Variants in ABCB9 observed in about 807,000 individuals in gnomAD.
The protein encoded by ABCB9 is ATP binding cassette subfamily B member 9.
In ABCB9, 36 loss-of-function variants were observed where a neutral mutation model predicts 62.0. That is an observed-to-expected ratio of 0.58 (90% CI 0.45 to 0.77). ABCB9 has a LOEUF of 0.77. ABCB9 is among the 30% of genes least tolerant of loss of function. The pLI, the probability that ABCB9 is intolerant of heterozygous loss-of-function variation, is 0.00. For synonymous variants in ABCB9, 435 were observed against 461.4 expected (o/e 0.94, Z 0.73); for missense variants, 943 against 1,054.7 (o/e 0.89, Z 1.47).
rs189653462 is a variant in ABCB9, at chr12:122,929,994, G to A, written c.2218C>T (p.Arg740Trp). Residue 740 changes from arginine (R) to tryptophan (W), a missense_variant, in exon 12 of 12, where the codon CGG becomes TGG. Physicochemically the swap from Arg to Trp is moderately radical, Grantham distance 101. Coordinates refer to ENST00000280560, the MANE Select transcript of ABCB9 (RefSeq NM_019625.4). The surrounding 1 kb of genome is among the most constrained non-coding windows in gnomAD (Gnocchi z 6.0). The part of the protein sequence containing the change: ...QGGLYAKLVQ[R>W]QMLGLQPAAD... ...GCGGGCTGAAGCCCCAGCATCTGCC[G>A]CTGCACCAGCTTGGCGTAGAGGCCG... 10 of 1,576,386 alleles carry A rather than the reference G, an allele frequency of 6.3e-6. No individual in the cohort carries two copies. In the Admixed American group the frequency reaches 9.2e-5, roughly 15 times the overall value.
upstream of ABCB9, among the ~76,000 whole-genome samples, chr12:122,968,407 T>C (rs2037233387): frequency 6.6e-6 from 1 of 152,214 alleles, no homozygotes; most frequent in Non-Finnish European, 1.5e-5. Flanking sequence ...GGGCAGCCCC[T>C]GGCATGTGAT....
At position 122,960,302 on chromosome 12, in the gene ABCB9, A is replaced by G. The variant is rs2036827372; in HGVS notation, c.-67T>C. On this transcript the variant is annotated 5_prime_UTR_variant, in exon 2 of 12. The change abolishes an upstream ATG in the 5' untranslated region. Coordinates refer to ENST00000280560, the MANE Select transcript of ABCB9 (RefSeq NM_019625.4). Reference sequence around the variant, plus strand: ...AGCTCACGGGGGCAAGGCCATCATCATCCACAGGGCGAGGCCAGGCCTGTA... The same window carrying G: ...AGCTCACGGGGGCAAGGCCATCATCGTCCACAGGGCGAGGCCAGGCCTGTA... 1.8e-5 allele frequency: 28 copies of G among 1,555,070 alleles called. No homozygotes were observed. Among genetic ancestry groups the G allele is most frequent in the Non-Finnish European group, 2.3e-5 (27 of 1,149,470 alleles).
intron 1 of ABCB9, among the ~76,000 whole-genome samples, chr12:122,973,923 T>C (rs973839004): frequency 1.3e-5 from 2 of 152,166 alleles, no homozygotes; most frequent in Admixed American, 1.3e-4. Context: ...CGCCTGCCGA[T>C]AATCCCAGCT....
intron 9 of ABCB9, among the ~76,000 whole-genome samples, chr12:122,938,750 C>A (rs572690713): frequency 2.6e-5 from 4 of 152,110 alleles, no homozygotes; most frequent in African/African-American, 9.6e-5. Context: ...ATGGCGTGAA[C>A]CCGGGAGGTG....
At chr12:122,939,654 C>T (rs2035638834) in intron 9 of ABCB9, 1 of 154,262 alleles carries the variant, frequency 6.5e-6, no homozygotes, top group Non-Finnish European at 1.4e-5. Flanking sequence ...GCCTCAGCCT[C>T]CTGAGGAGCT....
chr12:122,951,075 TG>T (rs2036343663), intron 2 of ABCB9: 1 of 147,720 alleles, frequency 6.8e-6, no homozygotes, highest in African/African-American at 2.5e-5. Context: ...CTCAACCTCC[TG>T]GGTTGAAGCA....
chr12:122,953,845 CT>C (rs1336711460), intron 2 of ABCB9, among the ~76,000 whole-genome samples: 1 of 152,122 alleles, frequency 6.6e-6, no homozygotes, highest in Non-Finnish European at 1.5e-5. Context: ...ATCTGCTCCC[CT>C]ACCTTCTTAA....
chr12:122,925,770 A>T (rs1422348953), downstream of ABCB9, among the ~76,000 whole-genome samples: 1 of 152,164 alleles, frequency 6.6e-6, no homozygotes, highest in Non-Finnish European at 1.5e-5. Flanking sequence ...CAACAACAAA[A>T]CATGAATGTT....
In ABCB9 at chr12:122,932,441, C is replaced by T. The variant is rs1293297281; in HGVS notation, c.1904-113G>A. ...GGAAAGGGCGGGCTGGAACCCACAA[C>T]TTGAAAGCTCATGAAATGATGTTCC... On this transcript the variant is annotated intron_variant, in intron 10 of 11. Transcript: ENST00000280560. This position sits in a 1 kb window ranked among gnomAD's most constrained non-coding sequence, Gnocchi z 4.7. 2 of 1,360,920 alleles carry T rather than the reference C, an allele frequency of 1.5e-6. No homozygotes were observed. Among genetic ancestry groups the T allele is most frequent in the African/African-American group, 1.5e-5 (1 of 68,326 alleles). 84.3% of individuals were successfully genotyped at this position (1,360,920 alleles called of 1,614,324 possible).
At chr12:122,924,810 ACT>A, downstream of ABCB9, 1 of 1,534,858 alleles carries the variant, frequency 6.5e-7, no homozygotes, top group Non-Finnish European at 8.7e-7. Context: ...TACCCAGCAC[ACT>A]GTGTGGGACA....
intron 1 of ABCB9, among the ~76,000 whole-genome samples, chr12:122,965,414 C>T (rs901842111): frequency 2.6e-5 from 4 of 152,214 alleles, no homozygotes; most frequent in Non-Finnish European, 5.9e-5. Flanking sequence ...CAGAGGCCTG[C>T]TGGGTGGGAG....
intron 2 of ABCB9, chr12:122,952,978 CAA>C (rs2036436693): frequency 6.6e-6 from 1 of 152,178 alleles, no homozygotes; most frequent in Non-Finnish European, 1.5e-5. Context: ...CTCCTTGGCT[CAA>C]AACAGTCCAA....
Position 122,960,107 on chromosome 12 carries a change from G to A in ABCB9, c.129C>T (p.Ile43=). 1 of 1,613,688 alleles carries A rather than the reference G, an allele frequency of 6.2e-7. No individual in the cohort carries two copies. Among genetic ancestry groups the A allele is most frequent in the South Asian group, 1.1e-5 (1 of 91,082 alleles). The change falls in exon 2 of 12, where the codon ATC becomes ATT. Residue 43 remains isoleucine (I), a synonymous_variant. Transcript: ENST00000280560. ...CCCAGAGATCCAGCACCGAGTCAAA[G>A]ATGTTGAAGTGGCGGATGTCCTCCA... is the stretch of plus-strand genomic sequence containing the variant. ...SLLEDIRHFN[I]FDSVLDLWAA...
intron 9 of ABCB9, among the ~76,000 whole-genome samples, chr12:122,935,831 C>T (rs1235478046): frequency 1.3e-5 from 2 of 152,172 alleles, no homozygotes; most frequent in East Asian, 1.9e-4. Context: ...ACTGCCCTGG[C>T]GGTGGTCCCC....
Position 122,929,701 on chromosome 12 carries a change from C to T in ABCB9, c.*210G>A, listed in dbSNP as rs935213177. On this transcript the variant is annotated 3_prime_UTR_variant, in exon 12 of 12. Coordinates refer to ENST00000280560, the MANE Select transcript of ABCB9 (RefSeq NM_019625.4). The surrounding 1 kb of genome is among the most constrained non-coding windows in gnomAD (Gnocchi z 6.0). ...AGGAGGCTAGGGAGGTCCGTGAAGG[C>T]GTTGGCTCAGGGCAGCAGGGGTAAG... The T allele has an allele frequency of 1.1e-5, 14 of 1,302,270 alleles. No homozygotes were observed. The highest frequency in any genetic ancestry group is 2.8e-5 in the East Asian group (1 of 36,010). 80.7% of individuals were successfully genotyped at this position (1,302,270 alleles called of 1,614,324 possible). A position where few individuals can be genotyped will look rare whatever the true frequency, so the allele number is the denominator to read the frequency against.
At position 122,959,959 on chromosome 12, in the gene ABCB9, C is replaced by A. The variant is rs201970359; in HGVS notation, c.277G>T (p.Val93Leu). 1.8e-5 allele frequency: 29 copies of A among 1,613,136 alleles called. No individual in the cohort carries two copies. Among genetic ancestry groups the A allele is most frequent in the Non-Finnish European group, 2.3e-5 (27 of 1,179,988 alleles). ...AGCTTCACCATGGCATAGATGCCCA[C>A]GAAGAGGCACACGAGGGTGATGACC... ...WLVITLVCLF[V>L]GIYAMVKLLL... The change falls in exon 2 of 12, where the codon GTG (valine) becomes TTG (leucine). Residue 93 changes from valine (V) to leucine (L), a missense_variant. Physicochemically the swap from Val to Leu is conservative, Grantham distance 32. Coordinates refer to ENST00000280560, the MANE Select transcript of ABCB9 (RefSeq NM_019625.4). This position sits in a 1 kb window ranked among gnomAD's most constrained non-coding sequence, Gnocchi z 5.4.
intron 9 of ABCB9, among the ~76,000 whole-genome samples, chr12:122,938,769 A>C (rs533769742): frequency 6.6e-6 from 1 of 152,072 alleles, no homozygotes; most frequent in Admixed American, 6.6e-5. Context: ...TGGAGCTTGC[A>C]ATGAGCCGAG....
rs1326746222 is a variant in ABCB9, at chr12:122,929,939, G to A, written c.2273C>T (p.Pro758Leu). ...GGCCTTGTGACTGCCGTTGGCTACA[G>A]GCTCGTTGTGGCCAGCTGTGAAGTC... ...AADFTAGHNE[P>L]VANGSHKA is the part of the protein sequence containing the mutation. Residue 758 changes from proline to leucine, a missense_variant, in exon 12 of 12, where the codon CCT (proline) becomes CTT (leucine). Transcript: ENST00000280560. This position sits in a 1 kb window ranked among gnomAD's most constrained non-coding sequence, Gnocchi z 6.0. 6.4e-7 allele frequency: 1 copy of A among 1,568,132 alleles called. No individual in the cohort carries two copies. Among genetic ancestry groups the A allele is most frequent in the Admixed American group, 1.7e-5 (1 of 57,528 alleles).
chr12:122,948,693 G>T lies in ABCB9; in HGVS notation c.984C>A (p.Leu328=). 1.2e-6 allele frequency: 2 copies of T among 1,614,042 alleles called. No individual in the cohort carries two copies. Among genetic ancestry groups the T allele is most frequent in the Non-Finnish European group, 1.7e-6 (2 of 1,179,954 alleles). The change falls in exon 5 of 12, where the codon CTC becomes CTA. Residue 328 remains leucine (L), a synonymous_variant. Coordinates refer to ENST00000280560, the MANE Select transcript of ABCB9 (RefSeq NM_019625.4). ...VVFMFSLSWQ[L]SLVTFMGFPI... ...GGAAGCCCATGAAGGTGACCAAGGA[G>T]AGCTGCCATGAGAGGCTGAACATGA...
Sources: allele counts gnomAD v4.1 joint callset (sites outside exome capture counted in the v4.1 genomes callset), GRCh38; gene constraint gnomAD v4.1.1; non-coding constraint Gnocchi (gnomAD v3.1); transcripts MANE v1.5; gene names NCBI Gene and HGNC (gene_info 2026-07-23, HGNC 2026-07-21).